KDM4B: variants seen among roughly 807,000 people sequenced by gnomAD.
KDM4B encodes lysine demethylase 4B.
Under a neutral mutation model 125.2 loss-of-function variants are expected in KDM4B, and 32 were observed. That is an observed-to-expected ratio of 0.26 (90% CI 0.19 to 0.34). The LOEUF (loss-of-function observed/expected upper bound fraction) is 0.34, where lower values mean the gene tolerates loss of function less well. Ranked by LOEUF, KDM4B falls within the 10% of genes least tolerant of loss-of-function variation. The pLI, the probability that KDM4B is intolerant of heterozygous loss-of-function variation, is 1.00. For missense variants in KDM4B, 1,190 were observed against 1,577.7 expected, an observed-to-expected ratio of 0.75 and a Z score of 4.16; for synonymous variants, 721 against 677.9, an observed-to-expected ratio of 1.06 and a Z score of -0.99.
At chr19:5,139,038 T>C (rs2039697654) in intron 18 of KDM4B, among the ~76,000 whole-genome samples, 1 of 152,158 alleles carries the variant, frequency 6.6e-6, no homozygotes, top group Non-Finnish European at 1.5e-5. Flanking sequence ...TCATCCCGCC[T>C]CAGCCTCCTG....
At chr19:5,098,400 G>C (rs1568296932) in intron 9 of KDM4B, among the ~76,000 whole-genome samples, 1 of 152,206 alleles carries the variant, frequency 6.6e-6, no homozygotes, top group Non-Finnish European at 1.5e-5. Context: ...ACAGGCTTGG[G>C]AATTCAGACC....
At chr19:5,040,978 C>G (rs527983039) in intron 4 of KDM4B, among the ~76,000 whole-genome samples, 159 bp from the exon 5 acceptor site, 88 of 152,330 alleles carry the variant, frequency 5.8e-4, no homozygotes, top group Middle Eastern at 3.4e-3. Flanking sequence ...CTGTCCCACC[C>G]GGAAGCAGGT....
At chr19:5,054,050 G>A (rs370438799) in intron 6 of KDM4B, among the ~76,000 whole-genome samples, 2 of 152,222 alleles carry the variant, frequency 1.3e-5, no homozygotes, top group Non-Finnish European at 2.9e-5. Context: ...ATTCCTGTGC[G>A]TGAGTGGGCC....
intron 2 of KDM4B, among the ~76,000 whole-genome samples, chr19:5,019,826 G>C (rs1428715291): frequency 2.7e-5 from 4 of 146,354 alleles, no homozygotes; most frequent in Non-Finnish European, 6.0e-5. Context: ...TGTGGACGGT[G>C]TGCAGATGTT....
chr19:5,083,314 G>A (rs557971122), intron 9 of KDM4B, among the ~76,000 whole-genome samples: 1 of 152,316 alleles, frequency 6.6e-6, no homozygotes, highest in African/African-American at 2.4e-5. Context: ...GTGGGACGGG[G>A]TCGCCTTGGC....
chr19:5,022,620 T>C (rs1239774413), intron 2 of KDM4B, among the ~76,000 whole-genome samples: 1 of 152,158 alleles, frequency 6.6e-6, no homozygotes, highest in Non-Finnish European at 1.5e-5. Context: ...CCACGGATGG[T>C]CCCGGGAGTT....
At chr19:5,016,892 G>A (rs2035908842) in intron 2 of KDM4B, among the ~76,000 whole-genome samples, 2 of 152,194 alleles carry the variant, frequency 1.3e-5, no homozygotes, top group Non-Finnish European at 2.9e-5. Flanking sequence ...CAGCCCAGGG[G>A]GACCACTCAG....
chr19:5,050,113 G>A lies in KDM4B; in HGVS notation c.626+2444G>A, dbSNP rs541486899. Among the ~76,000 whole-genome samples, 44 of 152,352 alleles carry A rather than the reference G, an allele frequency of 2.9e-4. No individual in the cohort carries two copies. The South Asian group carries it at 6.2e-3, about 22-fold the overall frequency. On this transcript the variant is annotated intron_variant, in intron 6 of 22. Coordinates refer to ENST00000159111, the MANE Select transcript of KDM4B (RefSeq NM_015015.3). ...CACTGTTCCGCTTGCATCTGCAGCC[G>A]CTTAATTGCAACCATTTCAGAGTAT...
chr19:5,000,382 TATCC>T (rs1446029003), intron 1 of KDM4B, among the ~76,000 whole-genome samples: 1 of 148,056 alleles, frequency 6.8e-6, no homozygotes, highest in Non-Finnish European at 1.5e-5. Context: ...TTCATTCACC[TATCC>T]ATCCATCTGT....
In KDM4B at chr19:5,143,874, C is replaced by G. The variant is rs904669570; in HGVS notation, c.2551-93C>G. The stretch of plus-strand genomic sequence containing the variant: ...GCAGGGCCACTCCCGCGATGCCTCC[C>G]TTGAAGGCTGTGCCGGGAGGGGCCG... On this transcript the variant is annotated intron_variant, in intron 18 of 22. Transcript: ENST00000159111. The G allele has an allele frequency of 1.6e-5, 17 of 1,057,474 alleles. No individual in the cohort carries two copies. In the South Asian group the frequency reaches 2.0e-4, roughly 12 times the overall value. The allele number at this position is 1,057,474 out of a possible 1,614,324, so 65.5% of individuals were successfully genotyped here.
At chr19:5,025,778 A>G (rs2036259538) in intron 2 of KDM4B, among the ~76,000 whole-genome samples, 1 of 152,196 alleles carries the variant, frequency 6.6e-6, no homozygotes, top group African/African-American at 2.4e-5. Context: ...TGCGTGTTTG[A>G]CAATCACTTC....
intron 9 of KDM4B, among the ~76,000 whole-genome samples, chr19:5,099,501 G>A (rs917621384): frequency 6.6e-6 from 1 of 152,224 alleles, no homozygotes; most frequent in African/African-American, 2.4e-5. Context: ...AGCAGTAGAT[G>A]AACTGGAAAT....
rs763452654 is a variant in KDM4B at position 5,035,336 on chromosome 19, T to C, written c.141+2305T>C. ...TTCTGGCTTGGGATCCAAGGCGTCC[T>C]GATGTCAGGACGTTGAGGGGAATCA... On this transcript the variant is annotated intron_variant, in intron 3 of 22. Transcript: ENST00000159111. This position sits in a 1 kb window ranked among gnomAD's most constrained non-coding sequence, Gnocchi z 5.3. Among the ~76,000 whole-genome samples, 9 of 152,024 alleles carry C rather than the reference T, an allele frequency of 5.9e-5. No homozygotes were observed. Among genetic ancestry groups the C allele is most frequent in the Non-Finnish European group, 1.3e-4 (9 of 67,984 alleles).
In KDM4B at chr19:5,132,072, G is replaced by T. The variant is rs900368746; in HGVS notation, c.1906+65G>T. The T allele has an allele frequency of 8.0e-6, 12 of 1,491,648 alleles. No individual in the cohort carries two copies. In the African/African-American group the frequency reaches 8.4e-5, roughly 10 times the overall value. The allele number at this position is 1,491,648 out of a possible 1,614,324, so 92.4% of individuals were successfully genotyped here. A position where few individuals can be genotyped will look rare whatever the true frequency, so the allele number is the denominator to read the frequency against. On this transcript the variant is annotated intron_variant, in intron 13 of 22. Coordinates refer to ENST00000159111, the MANE Select transcript of KDM4B (RefSeq NM_015015.3). ...CTCCGCGCTCTGCTGCTGCTGGAGG[G>T]GGGGCCTGGCTCCCCTGCGGCTTCC...
chr19:5,143,980 G>C lies in KDM4B; in HGVS notation c.2564G>C (p.Cys855Ser), dbSNP rs1449318898. 6.3e-7 allele frequency: 1 copy of C among 1,585,308 alleles called. No homozygotes were observed. The highest frequency in any genetic ancestry group is 1.3e-5 in the African/African-American group (1 of 74,370). The change falls in exon 19 of 23, where the codon TGC (cysteine) becomes TCC (serine). Residue 855 changes from cysteine to serine, a missense_variant. Around this residue, in one of 7 missense-constraint regions of KDM4B, gnomAD observed 298 missense variants for 439.7 expected, o/e 0.68. Coordinates refer to ENST00000159111, the MANE Select transcript of KDM4B (RefSeq NM_015015.3). ...CCCCATCCCCAGAAATGCGTGTACT[G>C]CCGGAAGCGGATGAAGAAGGTGTCA... ...EQRWKLKCVYCRKRMKKVSGA... is the reference protein window; with the variant it reads ...EQRWKLKCVYSRKRMKKVSGA...
At chr19:5,130,747 G>C (rs1352021514) in intron 11 of KDM4B, among the ~76,000 whole-genome samples, 1 of 152,230 alleles carries the variant, frequency 6.6e-6, no homozygotes, top group South Asian at 2.1e-4. Flanking sequence ...TCCCCTGGCT[G>C]GGTTTGGTGA....
At chr19:5,083,646 C>T (rs1333039652) in intron 9 of KDM4B, among the ~76,000 whole-genome samples, 1 of 152,138 alleles carries the variant, frequency 6.6e-6, no homozygotes, top group East Asian at 1.9e-4. Flanking sequence ...CAGCATTGAA[C>T]AGCCCAGCTC....
At chr19:5,050,061 G>C (rs955220922) in intron 6 of KDM4B, among the ~76,000 whole-genome samples, 4 of 152,204 alleles carry the variant, frequency 2.6e-5, no homozygotes, top group African/African-American at 9.7e-5. Flanking sequence ...GATCACCAAG[G>C]CTGCGCCCCG....
chr19:5,056,454 G>A (rs2037399069), intron 6 of KDM4B, among the ~76,000 whole-genome samples: 3 of 148,446 alleles, frequency 2.0e-5, no homozygotes, highest in Admixed American at 2.0e-4. Flanking sequence ...TGCCTAGGCT[G>A]GAGTGCTGTG....
Sources: allele counts gnomAD v4.1 joint callset (sites outside exome capture counted in the v4.1 genomes callset), GRCh38; gene constraint gnomAD v4.1.1; regional missense constraint gnomAD v4.1.1; non-coding constraint Gnocchi (gnomAD v3.1); transcripts MANE v1.5; gene names NCBI Gene and HGNC (gene_info 2026-07-23, HGNC 2026-07-21).